The following ZNF800 variants were observed in gnomAD, a reference collection of about 807,000 sequenced individuals.
ZNF800 encodes the protein zinc finger protein 800.
A neutral mutation model predicts 59.5 loss-of-function variants in ZNF800; 13 were observed. That is an observed-to-expected ratio of 0.22 (90% CI 0.14 to 0.35). The LOEUF is 0.35. Ranked by LOEUF, ZNF800 falls within the 10% of genes least tolerant of loss-of-function variation. The probability of loss-of-function intolerance (pLI) is 1.00; values close to 1 mark genes in which losing one functional copy is unlikely to be tolerated. For missense variants in ZNF800, 621 were observed against 783.7 expected, an observed-to-expected ratio of 0.79 and a Z score of 2.48; for synonymous variants, 266 against 265.7, an observed-to-expected ratio of 1.00 and a Z score of -0.01.
At position 127,373,530 on chromosome 7, in the gene ZNF800, T is replaced by C. The variant is rs749883086; in HGVS notation, c.1806A>G (p.Val602=). 1 of 1,614,202 alleles carries C rather than the reference T, an allele frequency of 6.2e-7. No homozygotes were observed. Among genetic ancestry groups the C allele is most frequent in the South Asian group, 1.1e-5 (1 of 91,082 alleles). The part of the protein sequence containing the change: ...TSNSPSKKYE[V]ADVGIEVKVT... ...CTTTTACTTCAATACCGACGTCAGCTACTTCATACTTTTTACTAGGAGAGT... is the reference window on the plus strand; with the variant it reads ...CTTTTACTTCAATACCGACGTCAGCCACTTCATACTTTTTACTAGGAGAGT... Residue 602 remains valine, a synonymous_variant, in exon 5 of 6, where the codon GTA becomes GTG. Coordinates refer to ENST00000265827, the MANE Select transcript of ZNF800 (RefSeq NM_176814.5).
chr7:127,380,389 G>A (rs940042367), intron 3 of ZNF800, among the ~76,000 whole-genome samples: 2 of 152,062 alleles, frequency 1.3e-5, no homozygotes, highest in East Asian at 1.9e-4. Flanking sequence ...AAATCTATGT[G>A]AAGTTAACTG....
At chr7:127,360,382 C>T (rs1325438217) in intron 1 of ZNF800, 2 of 152,126 alleles carry the variant, frequency 1.3e-5, no homozygotes, top group East Asian at 3.9e-4. Flanking sequence ...AACTCCTCTA[C>T]TCTAGTACAT....
chr7:127,370,138 C>T lies in ZNF800; in HGVS notation c.*1676G>A, dbSNP rs1415988320. 6.6e-6 allele frequency: 1 copy of T among 151,936 alleles called. No homozygotes were observed. The highest frequency in any genetic ancestry group is 1.5e-5 in the Non-Finnish European group (1 of 67,964). 9.4% of individuals were successfully genotyped at this position (151,936 alleles called of 1,614,324 possible). ...CATTTAGTTCCCTAAATATATTATACTATTAGTTATTAAAGTTAGATCTAT... is the reference window on the plus strand; with the variant it reads ...CATTTAGTTCCCTAAATATATTATATTATTAGTTATTAAAGTTAGATCTAT... On this transcript the variant is annotated 3_prime_UTR_variant, in exon 6 of 6. Coordinates refer to ENST00000265827, the MANE Select transcript of ZNF800 (RefSeq NM_176814.5).
At chr7:127,389,137 T>A (rs2117213717) in intron 2 of ZNF800, among the ~76,000 whole-genome samples, 1 of 152,206 alleles carries the variant, frequency 6.6e-6, no homozygotes, top group South Asian at 2.1e-4. Flanking sequence ...GTATGGGACT[T>A]GCTTACAAAT....
intron 1 of ZNF800, chr7:127,364,701 T>C (rs1800468636): frequency 6.6e-6 from 1 of 152,024 alleles, no homozygotes; most frequent in South Asian, 2.1e-4. Flanking sequence ...GAAAGTCCAG[T>C]GAAGTAGACA....
intron 1 of ZNF800, chr7:127,361,586 T>C (rs1332140317): frequency 6.6e-6 from 1 of 151,958 alleles, no homozygotes; most frequent in Non-Finnish European, 1.5e-5. Flanking sequence ...GAAAAATCAA[T>C]CTGGCCTCAG....
At chr7:127,359,957 A>T (rs1182037275) in intron 1 of ZNF800, 1 of 151,836 alleles carries the variant, frequency 6.6e-6, no homozygotes, top group Admixed American at 6.6e-5. Flanking sequence ...GTAGATGGTT[A>T]TTATTTATAG....
At position 127,377,888 on chromosome 7, in the gene ZNF800, G is replaced by A. The variant is rs1221066430; in HGVS notation, c.158-559C>T. Among the ~76,000 whole-genome samples, 1 of 151,886 alleles carries A rather than the reference G, an allele frequency of 6.6e-6. No homozygotes were observed. Among genetic ancestry groups the A allele is most frequent in the Non-Finnish European group, 1.5e-5 (1 of 67,898 alleles). ...TTAAATTCAGCTCAAATTACTTCAG[G>A]TTCTGGGCCAACATGGGATTATGGC... On this transcript the variant is annotated intron_variant, in intron 3 of 5. Coordinates refer to ENST00000265827, the MANE Select transcript of ZNF800 (RefSeq NM_176814.5). This position sits in a 1 kb window ranked among gnomAD's most constrained non-coding sequence, Gnocchi z 4.7.
At chr7:127,345,087 T>C (rs549002674), downstream of ZNF800, among the ~76,000 whole-genome samples, 2 of 152,232 alleles carry the variant, frequency 1.3e-5, no homozygotes, top group African/African-American at 2.4e-5. Flanking sequence ...TGGTTAGTGG[T>C]TTCAATATAT....
Position 127,377,044 on chromosome 7 carries a change from C to T in ZNF800, c.301+142G>A, listed in dbSNP as rs1247089936. Reference sequence around the variant, plus strand: ...GAGTCAAGTATTTAATTTTATTCTCCATCTCCATCTAAAAATTATCTGTAA... The same window carrying T: ...GAGTCAAGTATTTAATTTTATTCTCTATCTCCATCTAAAAATTATCTGTAA... On this transcript the variant is annotated intron_variant, in intron 4 of 5. Transcript: ENST00000265827. This position sits in a 1 kb window ranked among gnomAD's most constrained non-coding sequence, Gnocchi z 4.7. 5.8e-6 allele frequency: 4 copies of T among 692,650 alleles called. No homozygotes were observed. The highest frequency in any genetic ancestry group is 1.9e-5 in the African/African-American group (1 of 53,894). The allele number at this position is 692,650 out of a possible 1,614,324, so 42.9% of individuals were successfully genotyped here. A position where few individuals can be genotyped will look rare whatever the true frequency, so the allele number is the denominator to read the frequency against.
chr7:127,372,737 C>G (rs1800667088), intron 5 of ZNF800: 3 of 985,260 alleles, frequency 3.0e-6, no homozygotes, highest in Non-Finnish European at 3.6e-6. Flanking sequence ...TTCTATTTAC[C>G]ACCAACTTTC....
At chr7:127,343,656 A>C (rs1460068168), downstream of ZNF800, among the ~76,000 whole-genome samples, 1 of 152,002 alleles carries the variant, frequency 6.6e-6, no homozygotes, top group Non-Finnish European at 1.5e-5. Flanking sequence ...TTTTAAGCTG[A>C]TAAAGGTAGA....
chr7:127,379,832 T>TCCCCCCCCCC (rs1800903206), intron 3 of ZNF800, among the ~76,000 whole-genome samples: 1 of 54,388 alleles, frequency 1.8e-5, no homozygotes, highest in Non-Finnish European at 3.4e-5. Flanking sequence ...CCCTTACCCT[T>TCCCCCCCCCC]GCCACCCCCC....
chr7:127,355,999 T>C (rs1206029500), intron 1 of ZNF800, among the ~76,000 whole-genome samples: 1 of 151,966 alleles, frequency 6.6e-6, no homozygotes, highest in Non-Finnish European at 1.5e-5. Flanking sequence ...CCAAAAAACA[T>C]AAACCAGGAA....
At chr7:127,391,741 A>G in intron 1 of ZNF800, 126 bp from the exon 2 acceptor site, 3 of 629,424 alleles carry the variant, frequency 4.8e-6, no homozygotes, top group East Asian at 2.7e-5. Flanking sequence ...CTCCCTCTCG[A>G]AAAGAAAACA....
exon 2 of ZNF800, chr7:127,347,048 T>G (rs1402813604): frequency 6.6e-6 from 1 of 152,328 alleles, no homozygotes; most frequent in Non-Finnish European, 1.5e-5. Flanking sequence ...CAGCAGTGTA[T>G]GCCTTGGGAA....
downstream of ZNF800, among the ~76,000 whole-genome samples, chr7:127,368,854 A>G (rs1800566652): frequency 6.6e-6 from 1 of 152,074 alleles, no homozygotes; most frequent in Non-Finnish European, 1.5e-5. Context: ...AATATAATAA[A>G]TATATTCCTA....
Position 127,377,183 on chromosome 7 carries a change from T to C in ZNF800, c.301+3A>G, listed in dbSNP as rs184522743. The C allele has an allele frequency of 2.5e-3, 4,091 of 1,608,406 alleles. 8 individuals carry two copies. The highest frequency in any genetic ancestry group is 3.1e-3 in the Non-Finnish European group (3,665 of 1,177,482). ...CATAACTGAGTATATGAATAAAACT[T>C]ACTGTCATCCATCTGGAGACTTGGT... On this transcript the variant is annotated splice_donor_region_variant and intron_variant, in intron 4 of 5. Transcript: ENST00000265827. This position sits in a 1 kb window ranked among gnomAD's most constrained non-coding sequence, Gnocchi z 4.7.
rs907866299 is a variant in ZNF800, at chr7:127,392,203, C to T, written c.-202G>A. The stretch of plus-strand genomic sequence containing the variant: ...CACGCGGGGGAACCCGGACTCGGGC[C>T]CGACGCGCTCCCAAAGAGTCCCCGC... On this transcript the variant is annotated 5_prime_UTR_variant, in exon 1 of 6. Coordinates refer to ENST00000265827, the MANE Select transcript of ZNF800 (RefSeq NM_176814.5). 1.0e-5 allele frequency: 4 copies of T among 394,746 alleles called. No individual in the cohort carries two copies. Among genetic ancestry groups the T allele is most frequent in the African/African-American group, 4.1e-5 (2 of 48,422 alleles). 24.5% of individuals were successfully genotyped at this position (394,746 alleles called of 1,614,324 possible). A position where few individuals can be genotyped will look rare whatever the true frequency, so the allele number is the denominator to read the frequency against.
Sources: allele counts gnomAD v4.1 joint callset (sites outside exome capture counted in the v4.1 genomes callset), GRCh38; gene constraint gnomAD v4.1.1; non-coding constraint Gnocchi (gnomAD v3.1); transcripts MANE v1.5; gene names NCBI Gene and HGNC (gene_info 2026-07-23, HGNC 2026-07-21).